The following MGST2 variants were observed in gnomAD, a reference collection of about 807,000 sequenced individuals.
The protein encoded by MGST2 is glutathione peroxidase MGST2.
A neutral mutation model predicts 16.6 loss-of-function variants in MGST2; 9 were observed. The observed-to-expected ratio is 0.54, with a 90% CI of 0.33 to 0.95. The LOEUF (loss-of-function observed/expected upper bound fraction) is 0.95, where lower values mean the gene tolerates loss of function less well. Ranked by LOEUF, MGST2 falls within the 40% of genes least tolerant of loss-of-function variation. MGST2 has a pLI of 0.03. For missense variants in MGST2, 159 were observed against 175.1 expected (o/e 0.91, Z 0.52); for synonymous variants, 79 against 68.0 (o/e 1.16, Z -0.79).
chr4:139,706,925 A>G (rs1223593193), downstream of MGST2, among the ~76,000 whole-genome samples: 1 of 152,204 alleles, frequency 6.6e-6, no homozygotes, highest in Non-Finnish European at 1.5e-5. Context: ...CATTTTTTGT[A>G]TATTACTAAA....
intron 5 of MGST2, among the ~76,000 whole-genome samples, chr4:139,732,664 G>A (rs1040061771): frequency 2.0e-5 from 3 of 151,184 alleles, no homozygotes; most frequent in Non-Finnish European, 4.4e-5. Context: ...ATAAGTTATC[G>A]GGGTACAGGT....
Position 139,720,296 on chromosome 4 carries a change from CTTACGGCTGCTATAT to C in MGST2, c.*48+16101_*48+16115del, listed in dbSNP as rs1728183670. 4 of 1,553,544 alleles carry C rather than the reference CTTACGGCTGCTATAT, an allele frequency of 2.6e-6. No homozygotes were observed. The Admixed American group carries it at 7.4e-5, about 29-fold the overall frequency. Reference sequence around the variant, plus strand: ...CATGCTCTGGAGGGCTGCTTGGCTTCTTACGGCTGCTATATCCTGGGGAGAACCTGCAGTGAAAAA... The same window carrying C: ...CATGCTCTGGAGGGCTGCTTGGCTTCCCTGGGGAGAACCTGCAGTGAAAAA... On this transcript the variant is annotated intron_variant, in intron 5 of 5. Coordinates refer to the MGST2 transcript ENST00000616265.
intron 5 of MGST2, chr4:139,719,764 A>G (rs1412346310): frequency 1.9e-6 from 3 of 1,613,650 alleles, no homozygotes; most frequent in Non-Finnish European, 2.5e-6. Context: ...TCGGCTGCCC[A>G]GCTTGAAGAG....
At chr4:139,666,973 C>G (rs1462094564) in intron 1 of MGST2, among the ~76,000 whole-genome samples, 1 of 152,154 alleles carries the variant, frequency 6.6e-6, no homozygotes, top group East Asian at 1.9e-4. Flanking sequence ...TTCAGACTCA[C>G]GTTTTGTGGT....
intron 5 of MGST2, among the ~76,000 whole-genome samples, chr4:139,712,351 A>C (rs1460652764): frequency 6.6e-6 from 1 of 152,230 alleles, no homozygotes; most frequent in Non-Finnish European, 1.5e-5. Flanking sequence ...AAACTTAAAA[A>C]CAACTAGTGA....
intron 1 of MGST2, among the ~76,000 whole-genome samples, chr4:139,669,387 AG>A (rs1730545311): frequency 6.6e-6 from 1 of 152,218 alleles, no homozygotes; most frequent in South Asian, 2.1e-4. Flanking sequence ...GAAGCAGCTT[AG>A]GTTTTGAAGA....
chr4:139,734,303 C>T (rs1279094590), intron 5 of MGST2, among the ~76,000 whole-genome samples: 2 of 152,208 alleles, frequency 1.3e-5, no homozygotes, highest in African/African-American at 2.4e-5. Context: ...TTAGAGAAAA[C>T]CAGGCTGAGC....
At chr4:139,675,191 G>A (rs571795778) in intron 1 of MGST2, among the ~76,000 whole-genome samples, 1 of 152,300 alleles carries the variant, frequency 6.6e-6, no homozygotes, top group South Asian at 2.1e-4. Context: ...CTCGCTTAGC[G>A]GGACTGAAGG....
At chr4:139,713,840 A>G (rs1016070943) in intron 5 of MGST2, among the ~76,000 whole-genome samples, 5 of 152,226 alleles carry the variant, frequency 3.3e-5, no homozygotes, top group Non-Finnish European at 5.9e-5. Flanking sequence ...AGGCGGGGAA[A>G]TCGAACCCTG....
At chr4:139,683,919 G>GTTTTTTT (rs34222679) in intron 2 of MGST2, among the ~76,000 whole-genome samples, 106 of 92,384 alleles carry the variant, frequency 1.1e-3, no homozygotes, top group Non-Finnish European at 1.5e-3. Flanking sequence ...TCAGTTTTGT[G>GTTTTTTT]TTTTTTTTTT....
intron 5 of MGST2, chr4:139,730,863 AAGGGAC>A: frequency 1.7e-6 from 1 of 599,358 alleles, no homozygotes; most frequent in Non-Finnish European, 3.0e-6. Context: ...GAGAGGCCAC[AAGGGAC>A]AGTAAGAGAG....
chr4:139,733,296 TAA>T (rs1267651907), intron 5 of MGST2, among the ~76,000 whole-genome samples: 4 of 152,192 alleles, frequency 2.6e-5, no homozygotes, highest in Admixed American at 6.5e-5. Context: ...CAAGGGAAGA[TAA>T]AGTTTTCTTC....
intron 5 of MGST2, among the ~76,000 whole-genome samples, chr4:139,712,629 T>C (rs768566124): frequency 1.7e-4 from 26 of 152,230 alleles, no homozygotes; most frequent in Non-Finnish European, 2.5e-4. Context: ...GAAATACCTA[T>C]GAGTTAGGTA....
intron 5 of MGST2, among the ~76,000 whole-genome samples, chr4:139,713,331 G>C (rs1727807169): frequency 6.6e-6 from 1 of 151,476 alleles, no homozygotes; most frequent in Admixed American, 6.6e-5. Flanking sequence ...GATAAAAACA[G>C]GTTTTTTCCC....
At chr4:139,722,637 G>A (rs745863742) in intron 5 of MGST2, among the ~76,000 whole-genome samples, 3 of 152,074 alleles carry the variant, frequency 2.0e-5, no homozygotes, top group Non-Finnish European at 2.9e-5. Context: ...CAAGAAGCCT[G>A]TATTTGTGAA....
At chr4:139,720,047 T>C (rs773601556) in intron 5 of MGST2, 2 of 1,614,094 alleles carry the variant, frequency 1.2e-6, no homozygotes, top group Admixed American at 3.3e-5. Flanking sequence ...CCTCGGTCCC[T>C]GGGCTTGGTT....
the MGST2 span, among the ~76,000 whole-genome samples, chr4:139,753,591 A>T: frequency 1.3e-5 from 2 of 152,202 alleles, no homozygotes. Context: ...TTTACAAAAT[A>T]AGTGAAGGGA....
At chr4:139,727,335 A>G (rs761372451) in intron 5 of MGST2, among the ~76,000 whole-genome samples, 2 of 152,226 alleles carry the variant, frequency 1.3e-5, no homozygotes, top group African/African-American at 2.4e-5. Flanking sequence ...GCAGCAATAG[A>G]AGGGCATTAC....
chr4:139,748,281 G>A, the MGST2 span, among the ~76,000 whole-genome samples: 4 of 152,064 alleles, frequency 2.6e-5, no homozygotes, highest in African/African-American at 7.2e-5. Flanking sequence ...TCCCTAGGCT[G>A]GGGTTTCTAG....
Sources: allele counts gnomAD v4.1 joint callset (sites outside exome capture counted in the v4.1 genomes callset), GRCh38; gene constraint gnomAD v4.1.1; transcripts MANE v1.5; gene names NCBI Gene and HGNC (gene_info 2026-07-23, HGNC 2026-07-21).